ANKRD30B: variants seen among roughly 807,000 people sequenced by gnomAD.
ANKRD30B encodes the protein ankyrin repeat domain-containing protein 30B.
A neutral mutation model predicts 202.2 loss-of-function variants in ANKRD30B; 144 were observed. The observed-to-expected ratio is 0.71, with a 90% CI of 0.62 to 0.82. ANKRD30B has a LOEUF of 0.82. ANKRD30B is among the 40% of genes least tolerant of loss of function. ANKRD30B has a pLI of 0.00. For synonymous variants in ANKRD30B, 508 were observed against 561.3 expected (o/e 0.91, Z 1.34); for missense variants, 1,487 against 1,669.1 (o/e 0.89, Z 1.90).
At chr18:14,859,154 G>C (rs138391402), downstream of ANKRD30B, among the ~76,000 whole-genome samples, 3 of 100,374 alleles carry the variant, frequency 3.0e-5, no homozygotes, top group South Asian at 3.2e-4. Flanking sequence ...AGGAAGAGGC[G>C]CTCCTCACCT....
At chr18:14,788,119 A>G (rs1568011054) in intron 15 of ANKRD30B, among the ~76,000 whole-genome samples, 1 of 152,224 alleles carries the variant, frequency 6.6e-6, no homozygotes, top group African/African-American at 2.4e-5. Context: ...TTTTAACGCT[A>G]AACAGTTCTA....
chr18:14,904,241 A>G, the ANKRD30B span, among the ~76,000 whole-genome samples: 2 of 152,352 alleles, frequency 1.3e-5, no homozygotes, highest in Admixed American at 1.3e-4. Flanking sequence ...TTACAGAGCT[A>G]TAAAAGGCAG....
chr18:14,851,918 C>A lies in ANKRD30B; in HGVS notation c.3974C>A (p.Ala1325Glu). Residue 1325 changes from alanine (A) to glutamate (E), a missense_variant, in exon 42 of 44, where the codon GCA becomes GAA. By Grantham distance (107) the Ala-to-Glu change is moderately radical (BLOSUM62 -1). Transcript: ENST00000690538. ...AACCAAGAACTTGCTTTCCACAGTGCAGGAGATGCTCCTTTGCAAGGAATA... is the reference window on the plus strand; with the variant it reads ...AACCAAGAACTTGCTTTCCACAGTGAAGGAGATGCTCCTTTGCAAGGAATA... ...RKNQELAFHS[A>E]GDAPLQGIMN... 6.2e-7 allele frequency: 1 copy of A among 1,603,278 alleles called. No homozygotes were observed. The highest frequency in any genetic ancestry group is 1.3e-5 in the African/African-American group (1 of 74,442).
At chr18:14,833,291 A>G (rs1971033894) in intron 34 of ANKRD30B, among the ~76,000 whole-genome samples, 1 of 151,738 alleles carries the variant, frequency 6.6e-6, no homozygotes, top group South Asian at 2.1e-4. Context: ...TCTGTCGCCC[A>G]GGTTGGAGTG....
At chr18:14,754,836 G>C (rs1438417564) in intron 3 of ANKRD30B, 63 bp from the exon 4 acceptor site, 8 of 1,123,064 alleles carry the variant, frequency 7.1e-6, no homozygotes, top group Non-Finnish European at 9.7e-6. Flanking sequence ...ATAATATAAG[G>C]TATTCAGTTC....
intron 15 of ANKRD30B, 54 bp from the exon 16 acceptor site, chr18:14,791,347 C>G: frequency 6.9e-7 from 1 of 1,454,738 alleles, no homozygotes; most frequent in Non-Finnish European, 9.4e-7. Flanking sequence ...TTTTGATACT[C>G]TTCATTACTA....
At chr18:14,787,760 T>A (rs1968179828) in intron 15 of ANKRD30B, among the ~76,000 whole-genome samples, 1 of 152,208 alleles carries the variant, frequency 6.6e-6, no homozygotes, top group Admixed American at 6.5e-5. Context: ...ATAATAGTGA[T>A]GTGTTTTAAG....
chr18:14,770,989 G>T (rs1966967539), intron 8 of ANKRD30B, among the ~76,000 whole-genome samples: 1 of 152,084 alleles, frequency 6.6e-6, no homozygotes, highest in African/African-American at 2.4e-5. Context: ...CCTCCCCTTT[G>T]TCTCTTTTCC....
the ANKRD30B span, among the ~76,000 whole-genome samples, chr18:14,889,434 C>G: frequency 2.0e-5 from 3 of 152,258 alleles, no homozygotes; most frequent in South Asian, 6.2e-4. Context: ...TTAGCCTGTT[C>G]CAGGCATTAT....
the ANKRD30B span, among the ~76,000 whole-genome samples, chr18:14,870,127 C>A: frequency 6.6e-6 from 1 of 152,208 alleles, no homozygotes; most frequent in Non-Finnish European, 1.5e-5. Flanking sequence ...TGAGCCACCA[C>A]GCGAAGCCTA....
chr18:14,865,505 C>A, the ANKRD30B span, among the ~76,000 whole-genome samples: 1 of 151,804 alleles, frequency 6.6e-6, no homozygotes, highest in Non-Finnish European at 1.5e-5. Flanking sequence ...CCACTCACGA[C>A]CCTCTCTTAC....
the ANKRD30B span, chr18:14,903,815 C>A: frequency 6.6e-6 from 1 of 152,250 alleles, no homozygotes; most frequent in African/African-American, 2.4e-5. Flanking sequence ...CCTGGAAAAT[C>A]AGAGCTATTG....
Position 14,763,772 on chromosome 18 carries a change from C to G in ANKRD30B, c.907C>G (p.Pro303Ala). The change falls in exon 7 of 44, where the codon CCT becomes GCT. Residue 303 changes from proline to alanine, a missense_variant. Coordinates refer to ENST00000690538, the MANE Select transcript of ANKRD30B (RefSeq NM_001367607.2). ...GGCTGAAAGCTTGCTGGAAAAAACA[C>G]CTGACGAGGCTGCACGCTTGGTGGA... ...DTAESLLEKT[P>A]DEAARLVEGT... 5 of 1,613,974 alleles carry G rather than the reference C, an allele frequency of 3.1e-6. No homozygotes were observed. The highest frequency in any genetic ancestry group is 3.4e-6 in the Non-Finnish European group (4 of 1,179,970).
chr18:14,783,872 T>C (rs1967909456), intron 12 of ANKRD30B, among the ~76,000 whole-genome samples: 1 of 152,062 alleles, frequency 6.6e-6, no homozygotes, highest in Non-Finnish European at 1.5e-5. Context: ...GACCTAAGTA[T>C]ATATCCAAGC....
Position 14,808,334 on chromosome 18 carries a change from A to G in ANKRD30B, c.2285-217A>G, listed in dbSNP as rs1208673508. The G allele has an allele frequency of 7.0e-6, 4 of 574,260 alleles. No individual in the cohort carries two copies. The East Asian group carries it at 1.1e-4, about 16-fold the overall frequency. The allele number at this position is 574,260 out of a possible 1,614,324, so 35.6% of individuals were successfully genotyped here. On this transcript the variant is annotated intron_variant, in intron 24 of 43. Coordinates refer to ENST00000690538, the MANE Select transcript of ANKRD30B (RefSeq NM_001367607.2). ...ATATTTTGACTGTTGAAATCTTCAT[A>G]GCACGTTTGATGAAATTTATTTTTT...
chr18:14,817,952 G>A (rs1598668227), intron 30 of ANKRD30B, among the ~76,000 whole-genome samples: 1 of 152,040 alleles, frequency 6.6e-6, no homozygotes, highest in Non-Finnish European at 1.5e-5. Context: ...GTTTTAGAGA[G>A]TTTATATCCC....
chr18:14,760,895 A>G (rs1255814668), intron 6 of ANKRD30B, among the ~76,000 whole-genome samples: 2 of 152,300 alleles, frequency 1.3e-5, no homozygotes, highest in East Asian at 1.9e-4. Flanking sequence ...AAAATCCTAT[A>G]TAATATTTTG....
chr18:14,825,136 G>A (rs1012319803), intron 32 of ANKRD30B: 2 of 152,166 alleles, frequency 1.3e-5, no homozygotes, highest in African/African-American at 4.8e-5. Context: ...TCCTGAGCAG[G>A]CACCAATGAC....
At chr18:14,816,531 A>T (rs1970116021) in intron 30 of ANKRD30B, 1 of 151,816 alleles carries the variant, frequency 6.6e-6, no homozygotes, top group Admixed American at 6.6e-5. Context: ...CTCTAGTCCC[A>T]GCTACTCGGG....
Sources: gnomAD v4.1 joint callset for allele counts (sites outside exome capture counted in the v4.1 genomes callset) on GRCh38, gnomAD v4.1.1 for gene constraint, MANE v1.5 for transcripts, NCBI Gene and HGNC (gene_info 2026-07-23, HGNC 2026-07-21) for gene names.